The following MACROD2 variants were observed in gnomAD, a reference collection of about 807,000 sequenced individuals.
MACROD2 encodes mono-ADP ribosylhydrolase 2.
MACROD2 carries 36 observed loss-of-function variants against 70.4 expected under a neutral mutation model. The observed-to-expected ratio is 0.51, with a 90% confidence interval of 0.39 to 0.68. The LOEUF (loss-of-function observed/expected upper bound fraction) is 0.68. Among genes scored for constraint, MACROD2 ranks in the 30% least tolerant of loss-of-function variants. The probability of loss-of-function intolerance (pLI) is 0.00; values close to 1 mark genes in which losing one functional copy is unlikely to be tolerated. For missense variants in MACROD2, 496 were observed against 538.4 expected (o/e 0.92, Z 0.78); for synonymous variants, 172 against 178.8 (o/e 0.96, Z 0.30).
intron 5 of MACROD2, among the ~76,000 whole-genome samples, chr20:15,150,522 C>T (rs554834942): frequency 4.6e-5 from 7 of 151,954 alleles, no homozygotes; most frequent in South Asian, 4.2e-4. Flanking sequence ...CTGTAGCAGG[C>T]GAGTGATAAC....
intron 8 of MACROD2, among the ~76,000 whole-genome samples, chr20:15,609,627 A>C (rs2048939551): frequency 6.6e-6 from 1 of 152,192 alleles, no homozygotes; most frequent in Non-Finnish European, 1.5e-5. Flanking sequence ...GCAAGCTCTC[A>C]ATAATGCCGG....
chr20:15,276,328 A>G (rs1309653234), intron 6 of MACROD2, among the ~76,000 whole-genome samples: 1 of 144,304 alleles, frequency 6.9e-6, no homozygotes, highest in Non-Finnish European at 1.5e-5. Flanking sequence ...TGAACCCGGG[A>G]GGCGGAGCTT....
At chr20:15,517,830 A>G (rs1231584620) in intron 8 of MACROD2, among the ~76,000 whole-genome samples, 2 of 152,222 alleles carry the variant, frequency 1.3e-5, no homozygotes, top group African/African-American at 4.8e-5. Context: ...TGATAAGAGT[A>G]GAGAATACAG....
At chr20:16,048,049 TAAAC>T (rs1465853335) in intron 17 of MACROD2, among the ~76,000 whole-genome samples, 1 of 152,186 alleles carries the variant, frequency 6.6e-6, no homozygotes, top group Admixed American at 6.5e-5. Flanking sequence ...CATGCAGTAA[TAAAC>T]AAATTGAAAA....
intron 3 of MACROD2, among the ~76,000 whole-genome samples, chr20:14,138,826 G>A (rs1027845153): frequency 3.3e-5 from 5 of 150,478 alleles, no homozygotes; most frequent in South Asian, 2.1e-4. Context: ...GTGAGATTAC[G>A]GATGTGCTAA....
At chr20:14,591,286 TC>T (rs1225277260) in intron 4 of MACROD2, among the ~76,000 whole-genome samples, 2 of 152,188 alleles carry the variant, frequency 1.3e-5, no homozygotes, top group Admixed American at 1.3e-4. Context: ...TTGCTTTCTT[TC>T]CCAAAAGGAC....
Position 15,429,053 on chromosome 20 carries a change from C to G in MACROD2, c.541-2352C>G, listed in dbSNP as rs150544153. ...GCATGGCACAAATATGGGGATGAAT[C>G]TGAATCCTCTCTGATTTGTATTTTT... On this transcript the variant is annotated intron_variant, in intron 6 of 17. Coordinates refer to ENST00000684519, the MANE Select transcript of MACROD2 (RefSeq NM_001351661.2). Among the ~76,000 whole-genome samples, 27 of 152,282 alleles carry G rather than the reference C, an allele frequency of 1.8e-4. No individual in the cohort carries two copies. The East Asian group carries it at 5.2e-3, about 29-fold the overall frequency.
chr20:14,814,956 A>G (rs1468541556), intron 5 of MACROD2, among the ~76,000 whole-genome samples: 1 of 152,080 alleles, frequency 6.6e-6, no homozygotes, highest in African/African-American at 2.4e-5. Context: ...TGAATGAGTG[A>G]ATGGTGTCAC....
At position 15,820,827 on chromosome 20, in the gene MACROD2, T is replaced by C. The variant is rs538198142; in HGVS notation, c.646-41918T>C. On this transcript the variant is annotated intron_variant, in intron 8 of 17. Coordinates refer to ENST00000684519, the MANE Select transcript of MACROD2 (RefSeq NM_001351661.2). Reference sequence around the variant, plus strand: ...GCTTTATTAATATGTATTTGGTAATTTGTATTCATGCTATATCAACATGAG... The same window carrying C: ...GCTTTATTAATATGTATTTGGTAATCTGTATTCATGCTATATCAACATGAG... 1.7e-4 allele frequency among the ~76,000 whole-genome samples: 26 copies of C among 152,308 alleles called. No individual in the cohort carries two copies. In the East Asian group the frequency reaches 5.0e-3, roughly 29 times the overall value.
chr20:14,208,560 A>C (rs2081544800), intron 3 of MACROD2, among the ~76,000 whole-genome samples: 1 of 152,196 alleles, frequency 6.6e-6, no homozygotes, highest in Admixed American at 6.5e-5. Context: ...GGAAATCTGA[A>C]ATTGATAGTA....
At chr20:15,493,770 T>A (rs576809239) in intron 7 of MACROD2, among the ~76,000 whole-genome samples, 2 of 152,224 alleles carry the variant, frequency 1.3e-5, no homozygotes, top group Admixed American at 1.3e-4. Flanking sequence ...TTTTCAATAA[T>A]TCCAACAAAC....
At chr20:15,662,356 T>G (rs1252266965) in intron 8 of MACROD2, among the ~76,000 whole-genome samples, 1 of 152,250 alleles carries the variant, frequency 6.6e-6, no homozygotes, top group East Asian at 1.9e-4. Flanking sequence ...TCACTGTAGA[T>G]CCTGAGTTTC....
intron 10 of MACROD2, chr20:15,892,916 C>G (rs62194160): frequency 2.5e-6 from 1 of 398,754 alleles, no homozygotes; most frequent in Non-Finnish European, 4.4e-6. Context: ...ATTAAATCTT[C>G]GTGATTCCAG....
At chr20:15,529,597 AAAGCC>A (rs1568870470) in intron 8 of MACROD2, among the ~76,000 whole-genome samples, 4 of 152,310 alleles carry the variant, frequency 2.6e-5, no homozygotes, top group African/African-American at 9.6e-5. Context: ...AAAAAAATGT[AAAGCC>A]ATGTTTGTGA....
intron 8 of MACROD2, among the ~76,000 whole-genome samples, chr20:15,559,501 A>T: frequency 6.6e-6 from 1 of 152,106 alleles, no homozygotes; most frequent in Non-Finnish European, 1.5e-5. Context: ...CTCCTCACCC[A>T]TTTCCCATAT....
chr20:14,324,936 A>G (rs2082709513), intron 3 of MACROD2: 1 of 152,580 alleles, frequency 6.6e-6, no homozygotes, highest in Non-Finnish European at 1.5e-5. Flanking sequence ...TAACTTTTTT[A>G]AGGATAATTA....
intron 3 of MACROD2, among the ~76,000 whole-genome samples, chr20:14,390,121 A>G (rs2083511134): frequency 6.6e-6 from 1 of 152,230 alleles, no homozygotes; most frequent in South Asian, 2.1e-4. Flanking sequence ...GCTGAGATCC[A>G]AATAAAGAAG....
intron 6 of MACROD2, among the ~76,000 whole-genome samples, chr20:15,234,754 G>A (rs1257967061): frequency 3.3e-5 from 5 of 152,076 alleles, no homozygotes; most frequent in African/African-American, 7.2e-5. Flanking sequence ...ATCTCGGGGT[G>A]AGCGTAGGGG....
At position 15,295,595 on chromosome 20, in the gene MACROD2, T is replaced by TCACACACACACACACA. The variant is rs3223712; in HGVS notation, c.540+65553_540+65568dup. On this transcript the variant is annotated intron_variant, in intron 6 of 17. Coordinates refer to ENST00000684519, the MANE Select transcript of MACROD2 (RefSeq NM_001351661.2). ...ATGCAATACTTATCAATGTCTGTCA[T>TCACACACACACACACA]CACACACACACACACACACACACAC... is the stretch of plus-strand genomic sequence containing the variant. Among the ~76,000 whole-genome samples, 1,147 of 148,032 alleles carry TCACACACACACACACA rather than the reference T, an allele frequency of 7.7e-3. 10 individuals are homozygous for TCACACACACACACACA. Among genetic ancestry groups the TCACACACACACACACA allele is most frequent in the South Asian group, 0.022 (99 of 4,566 alleles).
Sources: allele counts gnomAD v4.1 joint callset (sites outside exome capture counted in the v4.1 genomes callset), GRCh38; gene constraint gnomAD v4.1.1; transcripts MANE v1.5; gene names NCBI Gene and HGNC (gene_info 2026-07-23, HGNC 2026-07-21).